NINJ1: variants seen among roughly 807,000 people sequenced by gnomAD.
NINJ1 encodes ninjurin-1.
A neutral mutation model predicts 12.7 loss-of-function variants in NINJ1; 6 were observed. The ratio of observed to expected loss-of-function variants is 0.47; its 90% CI spans 0.26 to 0.93. The LOEUF is 0.93. NINJ1 is among the 40% of genes least tolerant of loss of function. The probability of loss-of-function intolerance (pLI) is 0.15; values close to 1 mark genes in which losing one functional copy is unlikely to be tolerated. For missense variants in NINJ1, 170 were observed against 213.0 expected (o/e 0.80, Z 1.26); for synonymous variants, 100 against 96.0 (o/e 1.04, Z -0.25).
chr9:93,126,351 T>A, intron 2 of NINJ1, 59 bp downstream of exon 2: 2 of 1,464,538 alleles, frequency 1.4e-6, no homozygotes, highest in East Asian at 2.3e-5. Context: ...TCCCAGGCGA[T>A]GCGAGCAGAT....
rs759874225 is a variant in NINJ1, at chr9:93,134,203, G to A, written c.15C>T (p.Thr5=). Reference sequence around the variant, plus strand: ...GGCCGCCGTTGAGCTCGTACTCCTCGGTTCCCGAGTCCATGGTGCGGCCGC... The same window carrying A: ...GGCCGCCGTTGAGCTCGTACTCCTCAGTTCCCGAGTCCATGGTGCGGCCGC... MDSG[T]EEYELNGGLP... The change falls in exon 1 of 4, where the codon ACC becomes ACT. Residue 5 remains threonine (T), a synonymous_variant. Coordinates refer to ENST00000375446, the MANE Select transcript of NINJ1 (RefSeq NM_004148.4). 1.3e-6 allele frequency: 2 copies of A among 1,518,800 alleles called. No homozygotes were observed. The highest frequency in any genetic ancestry group is 8.9e-7 in the Non-Finnish European group (1 of 1,129,018). 94.1% of individuals were successfully genotyped at this position (1,518,800 alleles called of 1,614,324 possible).
In NINJ1 at chr9:93,126,460, G is replaced by A; in HGVS notation, c.254C>T (p.Ser85Phe). Residue 85 changes from serine (S) to phenylalanine (F), a missense_variant, in exon 2 of 4, where the codon TCC becomes TTC. By Grantham distance (155) the Ser-to-Phe change is radical. Coordinates refer to ENST00000375446, the MANE Select transcript of NINJ1 (RefSeq NM_004148.4). The part of the protein sequence containing the change: ...AFYVPLVVLI[S>F]ISLVLQIGVG... ...GCCGATCTGCAGCACAAGGGAGATG[G>A]AGATGAGGACCACCAGGGGCACATA... 1 of 1,614,184 alleles carries A rather than the reference G, an allele frequency of 6.2e-7. No individual in the cohort carries two copies. The highest frequency in any genetic ancestry group is 8.5e-7 in the Non-Finnish European group (1 of 1,180,022).
chr9:93,130,790 C>T (rs145740554), intron 1 of NINJ1, among the ~76,000 whole-genome samples: 64 of 152,292 alleles, frequency 4.2e-4, no homozygotes, highest in African/African-American at 1.4e-3. Flanking sequence ...TGAACAGGCT[C>T]ACAAAACAGT....
chr9:93,133,980 G>T (rs556954827), intron 1 of NINJ1, among the ~76,000 whole-genome samples, 163 bp downstream of exon 1: 49 of 152,302 alleles, frequency 3.2e-4, no homozygotes, highest in Admixed American at 6.5e-4. Context: ...GCTCCCGGGG[G>T]CATCGTTCTG....
chr9:93,133,098 G>A (rs1428465095), intron 1 of NINJ1, among the ~76,000 whole-genome samples: 1 of 152,196 alleles, frequency 6.6e-6, no homozygotes, highest in Non-Finnish European at 1.5e-5. Context: ...CAGGTCGCTG[G>A]GGTCCCGCAC....
At chr9:93,122,260 G>T (rs1827747318) in intron 3 of NINJ1, 30 bp from the exon 4 acceptor site, 1 of 153,192 alleles carries the variant, frequency 6.5e-6, no homozygotes, top group Non-Finnish European at 1.5e-5. Context: ...GAGGCTCTGA[G>T]CCTGGAAGGA....
At chr9:93,128,893 C>T (rs757780228) in intron 1 of NINJ1, among the ~76,000 whole-genome samples, 2 of 152,242 alleles carry the variant, frequency 1.3e-5, no homozygotes, top group Admixed American at 6.5e-5. Context: ...TACACATGCA[C>T]ATACATACAT....
intron 1 of NINJ1, among the ~76,000 whole-genome samples, chr9:93,127,411 C>T (rs149175666): frequency 2.0e-5 from 3 of 152,294 alleles, no homozygotes; most frequent in East Asian, 1.9e-4. Flanking sequence ...GCAGTTCTCT[C>T]GAAGCCCCCA....
intron 1 of NINJ1, among the ~76,000 whole-genome samples, chr9:93,130,803 C>T (rs1827882850): frequency 6.6e-6 from 1 of 152,192 alleles, no homozygotes. Flanking sequence ...AAAACAGTCA[C>T]ACAGCAAAGA....
intron 1 of NINJ1, among the ~76,000 whole-genome samples, chr9:93,133,845 G>C (rs1394002861): frequency 6.6e-6 from 1 of 152,166 alleles, no homozygotes; most frequent in African/African-American, 2.4e-5. Flanking sequence ...TTAGCCCGAG[G>C]AGCTGCGCCG....
intron 3 of NINJ1, 72 bp downstream of exon 3, chr9:93,124,827 A>G: frequency 1.3e-6 from 2 of 1,492,522 alleles, no homozygotes; most frequent in Non-Finnish European, 1.8e-6. Flanking sequence ...CCAGGGACTC[A>G]CCACACTGCA....
chr9:93,123,613 CA>C (rs1353270782), intron 3 of NINJ1, among the ~76,000 whole-genome samples: 2 of 152,144 alleles, frequency 1.3e-5, no homozygotes, highest in African/African-American at 4.8e-5. Flanking sequence ...CCTTGACACA[CA>C]GGCGCTCTGC....
chr9:93,130,557 C>T (rs1379073260), intron 1 of NINJ1, among the ~76,000 whole-genome samples: 2 of 152,214 alleles, frequency 1.3e-5, no homozygotes, highest in Non-Finnish European at 2.9e-5. Context: ...ACCTCCTTTA[C>T]CCCCCGAGTC....
Position 93,126,632 on chromosome 9 carries a change from G to C in NINJ1, c.82C>G (p.Arg28Gly), listed in dbSNP as rs536006000. Residue 28 changes from arginine to glycine, a missense_variant, in exon 2 of 4, where the codon CGC becomes GGC. Physicochemically the swap from Arg to Gly is moderately radical, Grantham distance 125 (BLOSUM62 -2). Coordinates refer to ENST00000375446, the MANE Select transcript of NINJ1 (RefSeq NM_004148.4). ...TPGSPDASPA[R>G]WGWRHGPINV... ...ATGGGCCCGTGCCTCCAGCCCCAGCGGGCCGGCTGCAGGGAGGGGAATGGT... is the reference window on the plus strand; with the variant it reads ...ATGGGCCCGTGCCTCCAGCCCCAGCCGGCCGGCTGCAGGGAGGGGAATGGT... 2 of 1,597,944 alleles carry C rather than the reference G, an allele frequency of 1.3e-6. No homozygotes were observed. The highest frequency in any genetic ancestry group is 1.3e-5 in the African/African-American group (1 of 74,664).
chr9:93,123,930 G>A (rs1401053893), intron 3 of NINJ1, among the ~76,000 whole-genome samples: 1 of 152,248 alleles, frequency 6.6e-6, no homozygotes, highest in Non-Finnish European at 1.5e-5. Flanking sequence ...ACAGGGAGAG[G>A]CTGTATGTGG....
At chr9:93,123,442 G>T (rs913233102) in intron 3 of NINJ1, among the ~76,000 whole-genome samples, 2 of 152,140 alleles carry the variant, frequency 1.3e-5, no homozygotes, top group Non-Finnish European at 2.9e-5. Flanking sequence ...GCGCCATCAC[G>T]CCTGGCTAAT....
intron 3 of NINJ1, among the ~76,000 whole-genome samples, chr9:93,124,647 G>A (rs1471442832): frequency 6.6e-6 from 1 of 152,036 alleles, no homozygotes; most frequent in Non-Finnish European, 1.5e-5. Flanking sequence ...GAGTTCTCCA[G>A]GATGTTCAAA....
intron 1 of NINJ1, among the ~76,000 whole-genome samples, chr9:93,133,049 T>TGCC (rs1040067809): frequency 6.6e-5 from 10 of 152,192 alleles, no homozygotes; most frequent in African/African-American, 2.4e-4. Flanking sequence ...AGGAGCCCCC[T>TGCC]GCCTATTGCT....
Position 93,134,152 on chromosome 9 carries a change from CG to C in NINJ1, c.65del (p.Pro22ArgfsTer17). 1 of 1,555,562 alleles carries C rather than the reference CG, an allele frequency of 6.4e-7. No homozygotes were observed. The highest frequency in any genetic ancestry group is 8.7e-7 in the Non-Finnish European group (1 of 1,150,318). ...GGLPPGTPGSPDASPARWGWR... is the reference protein window; with the variant it reads ...GGLPPGTPGSXDASPARWGWR... Reference sequence around the variant, plus strand: ...GGGGGGAAGGTCTTACCGAGGCGTCCGGGGAGCCGGGTGTGCCCGGAGGCAG... The same window carrying C: ...GGGGGGAAGGTCTTACCGAGGCGTCCGGGAGCCGGGTGTGCCCGGAGGCAG... On this transcript the variant is annotated frameshift_variant, in exon 1 of 4. Coordinates refer to ENST00000375446, the MANE Select transcript of NINJ1 (RefSeq NM_004148.4). LOFTEE classifies it high-confidence loss of function.
Sources: gnomAD v4.1 joint callset for allele counts (sites outside exome capture counted in the v4.1 genomes callset) on GRCh38, gnomAD v4.1.1 for gene constraint, MANE v1.5 for transcripts, NCBI Gene and HGNC (gene_info 2026-07-23, HGNC 2026-07-21) for gene names.